The following ZSWIM6 variants were observed in gnomAD, a reference collection of about 807,000 sequenced individuals.
ZSWIM6 encodes the protein zinc finger SWIM domain-containing protein 6.
In ZSWIM6, 9 loss-of-function variants were observed where a neutral mutation model predicts 113.2. The observed-to-expected ratio is 0.08, with a 90% confidence interval of 0.05 to 0.14. The LOEUF (loss-of-function observed/expected upper bound fraction) is 0.14, where lower values mean the gene tolerates loss of function less well. ZSWIM6 is among the 10% of genes least tolerant of loss of function. The pLI is 1.00. For missense variants in ZSWIM6, 1,162 were observed against 1,552.2 expected (o/e 0.75, Z 4.22); for synonymous variants, 611 against 606.5 (o/e 1.01, Z -0.11).
intron 1 of ZSWIM6, among the ~76,000 whole-genome samples, chr5:61,440,261 T>G (rs887960550): frequency 2.0e-5 from 3 of 151,972 alleles, no homozygotes; most frequent in Non-Finnish European, 4.4e-5. Flanking sequence ...TAGGGTAATC[T>G]TGTTTGAAAA....
chr5:61,447,365 C>T (rs2112153793), intron 1 of ZSWIM6, among the ~76,000 whole-genome samples: 1 of 152,288 alleles, frequency 6.6e-6, no homozygotes, highest in East Asian at 1.9e-4. Flanking sequence ...GCTGCAGCAA[C>T]AGACAAGCCC....
intron 1 of ZSWIM6, among the ~76,000 whole-genome samples, chr5:61,382,903 C>T (rs1745515157): frequency 6.6e-6 from 1 of 152,130 alleles, no homozygotes; most frequent in African/African-American, 2.4e-5. Flanking sequence ...TAATTTATAG[C>T]AGATTAAGAT....
At chr5:61,420,454 A>G (rs1227136400) in intron 1 of ZSWIM6, among the ~76,000 whole-genome samples, 1 of 152,196 alleles carries the variant, frequency 6.6e-6, no homozygotes, top group Non-Finnish European at 1.5e-5. Context: ...AATGTTCTCC[A>G]TACAGAAGTT....
Position 61,543,943 on chromosome 5 carries a change from C to A in ZSWIM6, c.3274C>A (p.Pro1092Thr). The A allele has an allele frequency of 6.4e-7, 1 of 1,551,832 alleles. No individual in the cohort carries two copies. The highest frequency in any genetic ancestry group is 8.7e-7 in the Non-Finnish European group (1 of 1,147,018). Reference protein sequence around the residue: ...LGKNELAAIIPLVVKSVKCAT... With the variant: ...LGKNELAAIITLVVKSVKCAT... ...TAAAAATGAGCTTGCAGCTATAATA[C>A]CTCTGGTGGTCAAGAGTGTCAAGTG... Residue 1092 changes from proline to threonine, a missense_variant, in exon 14 of 14, where the codon CCT (proline) becomes ACT (threonine). This residue lies in a region of ZSWIM6 where 113 missense variants were observed against 213.8 expected (regional missense o/e 0.53). Transcript: ENST00000252744. This position sits in a 1 kb window ranked among gnomAD's most constrained non-coding sequence, Gnocchi z 4.3.
intron 1 of ZSWIM6, among the ~76,000 whole-genome samples, chr5:61,439,588 T>G (rs1329291825): frequency 2.0e-5 from 3 of 152,234 alleles, no homozygotes. Context: ...TCATCTGTGT[T>G]GCTTGTAGCA....
At chr5:61,394,080 T>A (rs1461752387) in intron 1 of ZSWIM6, among the ~76,000 whole-genome samples, 1 of 152,248 alleles carries the variant, frequency 6.6e-6, no homozygotes, top group Non-Finnish European at 1.5e-5. Flanking sequence ...ATTGATGCTC[T>A]GTTTGATTAA....
intron 1 of ZSWIM6, among the ~76,000 whole-genome samples, chr5:61,393,347 C>G (rs1380774857): frequency 1.3e-5 from 2 of 152,070 alleles, no homozygotes; most frequent in African/African-American, 4.8e-5. Flanking sequence ...CACCCGGCCT[C>G]TCAATACCTT....
In ZSWIM6 at chr5:61,478,705, TTGTG is replaced by T. The variant is rs3067226; in HGVS notation, c.1033+5689_1033+5692del. Among the ~76,000 whole-genome samples the T allele has an allele frequency of 2.8e-3, 419 of 147,622 alleles. 2 individuals are homozygous for T. Among genetic ancestry groups the T allele is most frequent in the Non-Finnish European group, 3.4e-3 (227 of 66,338 alleles). On this transcript the variant is annotated intron_variant, in intron 2 of 13. Transcript: ENST00000252744. ...TATGTGTGAGTGTGTGTGTGTGTGT[TTGTG>T]TGTGTGTGTGTGTGTGTGTGAATTT...
At chr5:61,465,747 T>A (rs1747419746) in intron 1 of ZSWIM6, among the ~76,000 whole-genome samples, 4 of 152,210 alleles carry the variant, frequency 2.6e-5, no homozygotes, top group African/African-American at 9.6e-5. Flanking sequence ...GCCTTTGCAT[T>A]AATTTGCCAT....
chr5:61,542,785 C>T (rs750052970), intron 13 of ZSWIM6, among the ~76,000 whole-genome samples: 3 of 152,186 alleles, frequency 2.0e-5, no homozygotes, highest in Non-Finnish European at 4.4e-5. Flanking sequence ...AGAACTGCCA[C>T]ACAACTTCTT....
At chr5:61,466,201 T>TAA (rs1747431712) in intron 1 of ZSWIM6, among the ~76,000 whole-genome samples, 1 of 152,156 alleles carries the variant, frequency 6.6e-6, no homozygotes, top group Non-Finnish European at 1.5e-5. Context: ...TTGGGAAAGG[T>TAA]AAAAGGGTTT....
chr5:61,451,134 G>T (rs765335528), intron 1 of ZSWIM6, among the ~76,000 whole-genome samples: 9 of 152,094 alleles, frequency 5.9e-5, no homozygotes, highest in South Asian at 2.1e-4. Flanking sequence ...CACAGAAGAG[G>T]CAGTGGTTCA....
intron 1 of ZSWIM6, among the ~76,000 whole-genome samples, chr5:61,411,916 G>A (rs1281785508): frequency 6.6e-6 from 1 of 152,112 alleles, no homozygotes; most frequent in Non-Finnish European, 1.5e-5. Flanking sequence ...ACCATAGCAT[G>A]CATTTTCATT....
At chr5:61,487,525 G>A (rs1748053145) in intron 2 of ZSWIM6, among the ~76,000 whole-genome samples, 1 of 151,890 alleles carries the variant, frequency 6.6e-6, no homozygotes, top group Non-Finnish European at 1.5e-5. Flanking sequence ...CCATGAGTAT[G>A]GGATGTTTTT....
At chr5:61,512,587 A>G (rs1748819285) in intron 4 of ZSWIM6, among the ~76,000 whole-genome samples, 1 of 152,118 alleles carries the variant, frequency 6.6e-6, no homozygotes, top group South Asian at 2.1e-4. Flanking sequence ...TTCAAACAGC[A>G]ATTTATGAGC....
At chr5:61,463,568 G>A (rs1323320307) in intron 1 of ZSWIM6, among the ~76,000 whole-genome samples, 4 of 152,134 alleles carry the variant, frequency 2.6e-5, no homozygotes, top group Non-Finnish European at 5.9e-5. Flanking sequence ...CGATCTATAT[G>A]TTCCACATGC....
At chr5:61,507,693 G>T (rs1580050738) in intron 4 of ZSWIM6, among the ~76,000 whole-genome samples, 2 of 152,110 alleles carry the variant, frequency 1.3e-5, no homozygotes, top group African/African-American at 4.8e-5. Context: ...GTAAGTTTTT[G>T]TTGGATATGC....
rs527410598 is a variant in ZSWIM6, at chr5:61,460,021, A to G, written c.677-12660A>G. Among the ~76,000 whole-genome samples the G allele has an allele frequency of 3.9e-5, 6 of 152,342 alleles. No individual in the cohort carries two copies. In the South Asian group the frequency reaches 1.2e-3, roughly 32 times the overall value. On this transcript the variant is annotated intron_variant, in intron 1 of 13. Transcript: ENST00000252744. ...AGATGAAGTTTTGACTGTGCTGCAA[A>G]TAACAACAGCATTGGTGTATTTTCT...
intron 2 of ZSWIM6, among the ~76,000 whole-genome samples, chr5:61,486,603 C>G (rs1011794572): frequency 6.6e-6 from 1 of 152,094 alleles, no homozygotes; most frequent in Non-Finnish European, 1.5e-5. Context: ...TCACCAACAT[C>G]TGTTATTTTT....
Sources: allele counts gnomAD v4.1 joint callset (sites outside exome capture counted in the v4.1 genomes callset), GRCh38; gene constraint gnomAD v4.1.1; regional missense constraint gnomAD v4.1.1; non-coding constraint Gnocchi (gnomAD v3.1); transcripts MANE v1.5; gene names NCBI Gene and HGNC (gene_info 2026-07-23, HGNC 2026-07-21).